Variants in RALYL observed in about 807,000 individuals in gnomAD.
The protein encoded by RALYL is RNA-binding Raly-like protein.
A neutral mutation model predicts 35.1 loss-of-function variants in RALYL; 29 were observed. The ratio of observed to expected loss-of-function variants is 0.83; its 90% CI spans 0.61 to 1.13. The LOEUF (loss-of-function observed/expected upper bound fraction) is 1.13. Ranked by LOEUF, RALYL falls within the 50% of genes most tolerant of loss-of-function variation. RALYL has a pLI of 0.00. For missense variants in RALYL, 359 were observed against 360.4 expected (o/e 1.00, Z 0.03); for synonymous variants, 120 against 127.6 (o/e 0.94, Z 0.40).
intron 2 of RALYL, among the ~76,000 whole-genome samples, chr8:84,560,754 CCACCGCA>C (rs1363862516): frequency 1.3e-5 from 2 of 151,948 alleles, no homozygotes; most frequent in Admixed American, 6.6e-5. Flanking sequence ...CTTGGGTTGA[CCACCGCA>C]GAGAGGCAGC....
At chr8:84,376,688 A>G (rs16912733) in intron 1 of RALYL, among the ~76,000 whole-genome samples, 4,496 of 151,978 alleles carry the variant, frequency 0.03, 216 homozygotes, top group African/African-American at 0.1. Context: ...AGGCCAAGTC[A>G]AAGCAGGACT....
At chr8:84,520,938 C>A (rs995657913) in intron 1 of RALYL, among the ~76,000 whole-genome samples, 1 of 152,158 alleles carries the variant, frequency 6.6e-6, no homozygotes, top group Non-Finnish European at 1.5e-5. Flanking sequence ...AATATAGCAA[C>A]AATCACATTG....
intron 2 of RALYL, among the ~76,000 whole-genome samples, chr8:84,742,201 C>T (rs1256521237): frequency 6.6e-6 from 1 of 151,884 alleles, no homozygotes; most frequent in Admixed American, 6.6e-5. Flanking sequence ...CCAGTCTTAC[C>T]ATCAAATATA....
chr8:84,570,676 A>C (rs1363733065), intron 2 of RALYL, among the ~76,000 whole-genome samples: 1 of 151,694 alleles, frequency 6.6e-6, no homozygotes, highest in Non-Finnish European at 1.5e-5. Context: ...TTCTTAGGGG[A>C]ATGCTTTCAA....
At chr8:84,755,344 A>T (rs1468630831) in intron 2 of RALYL, among the ~76,000 whole-genome samples, 2 of 152,194 alleles carry the variant, frequency 1.3e-5, no homozygotes, top group Non-Finnish European at 2.9e-5. Context: ...ACAAATACAC[A>T]CATGAATAAC....
intron 4 of RALYL, among the ~76,000 whole-genome samples, chr8:84,846,278 G>T (rs1834642548): frequency 6.6e-6 from 1 of 152,126 alleles, no homozygotes; most frequent in Non-Finnish European, 1.5e-5. Flanking sequence ...CATGAACAAG[G>T]AGTGTTTTTC....
intron 2 of RALYL, among the ~76,000 whole-genome samples, chr8:84,654,270 C>CATATATATATATATAT (rs143309933): frequency 1.8e-4 from 8 of 44,530 alleles, no homozygotes; most frequent in East Asian, 1.5e-3. Flanking sequence ...TCTCATGTTC[C>CATATATATATATATAT]ATATATATAT....
chr8:84,679,179 T>G (rs1834841261), intron 2 of RALYL: 1 of 189,204 alleles, frequency 5.3e-6, no homozygotes, highest in Non-Finnish European at 1.1e-5. Flanking sequence ...ACCTCAGTGA[T>G]CTACTGACAT....
intron 1 of RALYL, among the ~76,000 whole-genome samples, chr8:84,337,157 A>G (rs1439228334): frequency 6.6e-6 from 1 of 151,750 alleles, no homozygotes; most frequent in Non-Finnish European, 1.5e-5. Context: ...ATGGAAAGCT[A>G]GACTGTTACT....
At chr8:84,855,602 T>C (rs1162109863) in intron 5 of RALYL, among the ~76,000 whole-genome samples, 1 of 152,250 alleles carries the variant, frequency 6.6e-6, no homozygotes, top group Admixed American at 6.5e-5. Flanking sequence ...GGTCCATATA[T>C]GACTCTAAAT....
intron 1 of RALYL, among the ~76,000 whole-genome samples, chr8:84,378,240 G>A (rs1403104234): frequency 2.0e-5 from 3 of 151,776 alleles, no homozygotes; most frequent in Non-Finnish European, 4.4e-5. Context: ...AAGTTATAAG[G>A]TCAGCCATTT....
chr8:84,738,797 T>A lies in RALYL; in HGVS notation c.257-35782T>A, dbSNP rs138639853. ...CTGTGATAAATGCAGTGAACATCAA[T>A]GGGGAAGTACTAACCGTAACTGCCC... On this transcript the variant is annotated intron_variant, in intron 2 of 8. Transcript: ENST00000521268. 8.5e-5 allele frequency among the ~76,000 whole-genome samples: 13 copies of A among 152,174 alleles called. No homozygotes were observed. In the East Asian group the frequency reaches 2.5e-3, roughly 29 times the overall value.
intron 2 of RALYL, among the ~76,000 whole-genome samples, chr8:84,639,530 G>T (rs1825876669): frequency 6.6e-6 from 1 of 151,900 alleles, no homozygotes; most frequent in African/African-American, 2.4e-5. Flanking sequence ...TGGTTTTTTA[G>T]GTTTCTTTGG....
At chr8:84,707,612 G>A (rs576690154) in intron 2 of RALYL, among the ~76,000 whole-genome samples, 3 of 152,094 alleles carry the variant, frequency 2.0e-5, no homozygotes, top group South Asian at 4.2e-4. Flanking sequence ...AAACACAGTA[G>A]GGTGTACTGG....
chr8:84,342,593 C>G (rs565075514), intron 1 of RALYL, among the ~76,000 whole-genome samples: 1 of 151,722 alleles, frequency 6.6e-6, no homozygotes, highest in African/African-American at 2.4e-5. Context: ...TAATTGCATA[C>G]TGAACAGATA....
At chr8:84,198,903 G>A (rs1181274833) in intron 1 of RALYL, among the ~76,000 whole-genome samples, 8 of 152,128 alleles carry the variant, frequency 5.3e-5, no homozygotes, top group Non-Finnish European at 1.2e-4. Context: ...ATCTGTTGAT[G>A]GACACTTTGG....
At chr8:84,299,016 T>C (rs571651348) in intron 1 of RALYL, among the ~76,000 whole-genome samples, 3 of 152,150 alleles carry the variant, frequency 2.0e-5, no homozygotes, top group African/African-American at 7.2e-5. Flanking sequence ...GCAGACAGTT[T>C]GACTTCTCTG....
At chr8:84,466,974 G>T (rs1195779338) in intron 1 of RALYL, among the ~76,000 whole-genome samples, 1 of 152,068 alleles carries the variant, frequency 6.6e-6, no homozygotes, top group Non-Finnish European at 1.5e-5. Flanking sequence ...TATTTCTGTG[G>T]GATCGGTGGT....
At chr8:84,652,281 T>G (rs1829009951) in intron 2 of RALYL, among the ~76,000 whole-genome samples, 1 of 152,138 alleles carries the variant, frequency 6.6e-6, no homozygotes, top group African/African-American at 2.4e-5. Flanking sequence ...TTATAAGGTT[T>G]GCTGTTCTAA....
Sources: gnomAD v4.1 joint callset for allele counts (sites outside exome capture counted in the v4.1 genomes callset) on GRCh38, gnomAD v4.1.1 for gene constraint, MANE v1.5 for transcripts, NCBI Gene and HGNC (gene_info 2026-07-23, HGNC 2026-07-21) for gene names.